UBR7: variants seen among roughly 807,000 people sequenced by gnomAD.
The protein encoded by UBR7 is ubiquitin protein ligase E3 component n-recognin 7.
In UBR7, 22 loss-of-function variants were observed where a neutral mutation model predicts 57.0. That is an observed-to-expected ratio of 0.39 (90% CI 0.28 to 0.55). UBR7 has a LOEUF of 0.55. Ranked by LOEUF, UBR7 falls within the 20% of genes least tolerant of loss-of-function variation. The pLI, the probability that UBR7 is intolerant of heterozygous loss-of-function variation, is 0.69. For synonymous variants in UBR7, 167 were observed against 179.8 expected (o/e 0.93, Z 0.57); for missense variants, 395 against 513.2 (o/e 0.77, Z 2.23).
Position 93,209,888 on chromosome 14 carries a change from C to G in UBR7, c.215C>G (p.Ala72Gly). ...STCTPEGEEP[A>G]GICLACSYEC... Reference sequence around the variant, plus strand: ...TGCACCCCAGAGGGAGAAGAACCAGCAGGAATTTGTTTAGCTTGCAGTTAT... The same window carrying G: ...TGCACCCCAGAGGGAGAAGAACCAGGAGGAATTTGTTTAGCTTGCAGTTAT... The change falls in exon 2 of 11, where the codon GCA (alanine) becomes GGA (glycine). Residue 72 changes from alanine (A) to glycine (G), a missense_variant. Coordinates refer to ENST00000013070, the MANE Select transcript of UBR7 (RefSeq NM_175748.4). 1 of 1,613,988 alleles carries G rather than the reference C, an allele frequency of 6.2e-7. No homozygotes were observed. The highest frequency in any genetic ancestry group is 8.5e-7 in the Non-Finnish European group (1 of 1,179,976).
intron 4 of UBR7, among the ~76,000 whole-genome samples, chr14:93,212,973 G>A (rs1013896391): frequency 6.6e-6 from 1 of 152,052 alleles, no homozygotes; most frequent in Non-Finnish European, 1.5e-5. Context: ...TGTATTTGTG[G>A]CATTTAAAAT....
chr14:93,223,880 G>T lies in UBR7; in HGVS notation c.1185+1506G>T, dbSNP rs550369811. The T allele has an allele frequency of 1.4e-5, 10 of 738,324 alleles. No homozygotes were observed. The African/African-American group carries it at 1.5e-4, about 11-fold the overall frequency. The allele number at this position is 738,324 out of a possible 1,614,324, so 45.7% of individuals were successfully genotyped here. A position where few individuals can be genotyped will look rare whatever the true frequency, so the allele number is the denominator to read the frequency against. Reference sequence around the variant, plus strand: ...GTACATGTTGGGGGCGCCGCTCCGGGAGTCATAGCTCAGCCAGATGCCGAA... The same window carrying T: ...GTACATGTTGGGGGCGCCGCTCCGGTAGTCATAGCTCAGCCAGATGCCGAA... On this transcript the variant is annotated intron_variant, in intron 10 of 10. Coordinates refer to ENST00000013070, the MANE Select transcript of UBR7 (RefSeq NM_175748.4).
intron 10 of UBR7, among the ~76,000 whole-genome samples, chr14:93,224,927 T>TA (rs1894816739): frequency 1.3e-5 from 2 of 151,758 alleles, no homozygotes; most frequent in African/African-American, 4.8e-5. Flanking sequence ...CGGTTTTCTT[T>TA]ATTTTATCAC....
intron 4 of UBR7, among the ~76,000 whole-genome samples, chr14:93,212,600 G>T (rs972888529): frequency 5.3e-4 from 81 of 152,254 alleles, no homozygotes; most frequent in African/African-American, 1.9e-3. Flanking sequence ...TATATTTTTA[G>T]TCCTTTTTCT....
rs538200776 is a variant in UBR7 at position 93,222,099 on chromosome 14, A to T, written c.1124-214A>T. ...CTCTGCTTTTTATGCTTTTTAAAAA[A>T]TTTTGCTTTTTTTTTTTTTAATGAA... On this transcript the variant is annotated intron_variant, in intron 9 of 10. Coordinates refer to ENST00000013070, the MANE Select transcript of UBR7 (RefSeq NM_175748.4). Among the ~76,000 whole-genome samples the T allele has an allele frequency of 1.5e-4, 23 of 151,346 alleles. No homozygotes were observed. In the East Asian group the frequency reaches 3.9e-3, roughly 25 times the overall value.
At chr14:93,222,530 G>A (rs1894730314) in intron 10 of UBR7, among the ~76,000 whole-genome samples, 156 bp downstream of exon 10, 1 of 152,102 alleles carries the variant, frequency 6.6e-6, no homozygotes, top group Non-Finnish European at 1.5e-5. Flanking sequence ...GGATCACAAG[G>A]TCAGGAGTTC....
intron 10 of UBR7, among the ~76,000 whole-genome samples, chr14:93,223,391 T>C (rs1240483680): frequency 3.0e-5 from 2 of 66,232 alleles, no homozygotes; most frequent in Admixed American, 3.3e-4. Flanking sequence ...CAAGACTCCA[T>C]CTCAAAAAAA....
chr14:93,226,779 C>T (rs1164556093), intron 10 of UBR7, among the ~76,000 whole-genome samples, 164 bp from the exon 11 acceptor site: 3 of 134,690 alleles, frequency 2.2e-5, no homozygotes, highest in South Asian at 2.3e-4. Flanking sequence ...GGTGACAGAG[C>T]GACACTCCAT....
rs2140106573 is a variant in UBR7, at chr14:93,222,511, A to C, written c.1185+137A>C. ...TGTAATCCCAGTACTTTGGGAGGCC[A>C]ATGTGGGTGGATCACAAGGTCAGGA... On this transcript the variant is annotated intron_variant, in intron 10 of 10. Transcript: ENST00000013070. 3 of 710,796 alleles carry C rather than the reference A, an allele frequency of 4.2e-6. No homozygotes were observed. In the East Asian group the frequency reaches 8.3e-5, roughly 20 times the overall value. The allele number at this position is 710,796 out of a possible 1,614,324, so 44.0% of individuals were successfully genotyped here. A position where few individuals can be genotyped will look rare whatever the true frequency, so the allele number is the denominator to read the frequency against.
intron 10 of UBR7, among the ~76,000 whole-genome samples, chr14:93,226,697 G>T (rs1366237462): frequency 6.6e-6 from 1 of 151,640 alleles, no homozygotes. Context: ...GGAGGCTGAG[G>T]CAGGAGAATG....
chr14:93,208,526 C>G (rs1894415191), intron 1 of UBR7, among the ~76,000 whole-genome samples: 1 of 150,674 alleles, frequency 6.6e-6, no homozygotes. Context: ...GTGTAGTTAC[C>G]TTTATAAAAT....
rs374937136 is a variant in UBR7, at chr14:93,221,020, A to T, written c.1123+609A>T. Among the ~76,000 whole-genome samples, 12 of 151,972 alleles carry T rather than the reference A, an allele frequency of 7.9e-5. No individual in the cohort carries two copies. In the East Asian group the frequency reaches 2.1e-3, roughly 27 times the overall value. On this transcript the variant is annotated intron_variant, in intron 9 of 10. Coordinates refer to ENST00000013070, the MANE Select transcript of UBR7 (RefSeq NM_175748.4). ...GAGTGCAATGGTGCATTCTCAGCTC[A>T]CTGCAACCTCTGCTGCCCAGGCTCA... is the stretch of plus-strand genomic sequence containing the variant.
chr14:93,215,242 C>T lies in UBR7; in HGVS notation c.562C>T (p.Arg188Cys), dbSNP rs1191709246. 4 of 1,588,718 alleles carry T rather than the reference C, an allele frequency of 2.5e-6. No individual in the cohort carries two copies. The African/African-American group carries it at 4.0e-5, about 16-fold the overall frequency. Residue 188 changes from arginine (R) to cysteine (C), a missense_variant, in exon 6 of 11, where the codon CGT becomes TGT. Transcript: ENST00000013070. ...GATGGTATGCCAGGCCTGCATGAAA[C>T]GTTGTTCTTTTTTGTGGGCTTATGC... ...QEMVCQACMK[R>C]CSFLWAYAAQ...
In UBR7 at chr14:93,219,375, T is replaced by C. The variant is rs745446674; in HGVS notation, c.960+14T>C. ...CAAGACTGTATGGTAAAGTATCTGA[T>C]TGTGCTCAGTGTTAGCATGTTTTGT... On this transcript the variant is annotated intron_variant, in intron 8 of 10. Transcript: ENST00000013070. 5.6e-6 allele frequency: 9 copies of C among 1,614,156 alleles called. No individual in the cohort carries two copies. Among genetic ancestry groups the C allele is most frequent in the South Asian group, 1.1e-5 (1 of 91,074 alleles).
chr14:93,225,337 A>G (rs80080414), intron 10 of UBR7, among the ~76,000 whole-genome samples: 36 of 151,908 alleles, frequency 2.4e-4, no homozygotes, highest in African/African-American at 8.5e-4. Flanking sequence ...CAAAAAAAAA[A>G]CCACTTAGAC....
rs1894919259 is a variant in UBR7 at position 93,228,551 on chromosome 14, T to C, written c.*1516T>C. ...ATGGCACAACCATGTTCTTCGGCAC[T>C]CAGGCTCCTAATTGCAGATCCTCAC... On this transcript the variant is annotated 3_prime_UTR_variant, in exon 11 of 11. Transcript: ENST00000013070. The C allele has an allele frequency of 4.4e-6, 2 of 453,968 alleles. No individual in the cohort carries two copies. Among genetic ancestry groups the C allele is most frequent in the East Asian group, 1.4e-4 (2 of 14,398 alleles). The allele number at this position is 453,968 out of a possible 1,614,324, so 28.1% of individuals were successfully genotyped here.
In UBR7 at chr14:93,227,342, CT is replaced by C; in HGVS notation, c.*309del. The C allele has an allele frequency of 1.6e-6, 1 of 613,534 alleles. No homozygotes were observed. The highest frequency in any genetic ancestry group is 3.0e-6 in the Non-Finnish European group (1 of 330,766). The allele number at this position is 613,534 out of a possible 1,614,324, so 38.0% of individuals were successfully genotyped here. On this transcript the variant is annotated 3_prime_UTR_variant, in exon 11 of 11. Coordinates refer to ENST00000013070, the MANE Select transcript of UBR7 (RefSeq NM_175748.4). ...TTGTTTTGAGAAAGCAAATTGGTGTCTTGTTTAATGATCTGTTATTTCACTC... is the reference window on the plus strand; with the variant it reads ...TTGTTTTGAGAAAGCAAATTGGTGTCTGTTTAATGATCTGTTATTTCACTC...
rs1470192825 is a variant in UBR7 at position 93,228,230 on chromosome 14, A to G, written c.*1195A>G. 2.1e-6 allele frequency: 1 copy of G among 486,208 alleles called. No homozygotes were observed. Among genetic ancestry groups the G allele is most frequent in the African/African-American group, 1.9e-5 (1 of 51,470 alleles). 30.1% of individuals were successfully genotyped at this position (486,208 alleles called of 1,614,324 possible). A position where few individuals can be genotyped will look rare whatever the true frequency, so the allele number is the denominator to read the frequency against. On this transcript the variant is annotated 3_prime_UTR_variant, in exon 11 of 11. Coordinates refer to ENST00000013070, the MANE Select transcript of UBR7 (RefSeq NM_175748.4). Reference sequence around the variant, plus strand: ...CTCATGGAAGGTTGTACAGAGCCCCACATTTGAGGGGAAGTCCTTTCAGTT... The same window carrying G: ...CTCATGGAAGGTTGTACAGAGCCCCGCATTTGAGGGGAAGTCCTTTCAGTT...
chr14:93,218,411 T>TTA, intron 6 of UBR7, 116 bp from the exon 7 acceptor site: 1 of 811,832 alleles, frequency 1.2e-6, no homozygotes, highest in Non-Finnish European at 1.9e-6. Context: ...ACTCTGTCTG[T>TTA]AAAAAAAAAA....
Sources: allele counts gnomAD v4.1 joint callset (sites outside exome capture counted in the v4.1 genomes callset), GRCh38; gene constraint gnomAD v4.1.1; transcripts MANE v1.5; gene names NCBI Gene and HGNC (gene_info 2026-07-23, HGNC 2026-07-21).